LRP1B: variants seen among roughly 807,000 people sequenced by gnomAD.
LRP1B encodes the protein LDL receptor related protein 1B, also known as low-density lipoprotein receptor-related protein 1B.
LRP1B carries 217 observed loss-of-function variants against 556.6 expected under a neutral mutation model. That is an observed-to-expected ratio of 0.39 (90% CI 0.35 to 0.44). LRP1B has a LOEUF of 0.44. Among genes scored for constraint, LRP1B ranks in the 20% least tolerant of loss-of-function variants. The pLI is 1.00. For synonymous variants in LRP1B, 2,047 were observed against 1,865.8 expected, an observed-to-expected ratio of 1.10 and a Z score of -2.50; for missense variants, 5,053 against 5,620.8, an observed-to-expected ratio of 0.90 and a Z score of 3.23.
intron 2 of LRP1B, among the ~76,000 whole-genome samples, chr2:141,645,227 C>A (rs1487761454): frequency 1.3e-5 from 2 of 152,038 alleles, no homozygotes; most frequent in Non-Finnish European, 2.9e-5. Context: ...AAATTCTCTC[C>A]TTTCAGTGGG....
chr2:140,907,389 T>G (rs2105230594), intron 22 of LRP1B, among the ~76,000 whole-genome samples: 1 of 152,218 alleles, frequency 6.6e-6, no homozygotes, highest in Non-Finnish European at 1.5e-5. Context: ...GGACTAAAAA[T>G]TTGAAGGAAA....
chr2:140,352,842 G>A (rs560439866), intron 76 of LRP1B, 111 bp downstream of exon 76: 1 of 1,051,032 alleles, frequency 9.5e-7, no homozygotes, highest in African/African-American at 1.6e-5. Context: ...ATCATTAAAA[G>A]TATTTTATCA....
chr2:141,556,064 T>G (rs1488188779), intron 2 of LRP1B, among the ~76,000 whole-genome samples: 1 of 151,908 alleles, frequency 6.6e-6, no homozygotes. Context: ...ATGTTTATCA[T>G]AATAATCATG....
chr2:141,926,431 T>C (rs1216599020), intron 1 of LRP1B, among the ~76,000 whole-genome samples: 1 of 152,162 alleles, frequency 6.6e-6, no homozygotes, highest in African/African-American at 2.4e-5. Flanking sequence ...AGAAACTAAG[T>C]AGCCAACTGA....
chr2:141,621,687 C>T (rs534812812), intron 2 of LRP1B, among the ~76,000 whole-genome samples: 1 of 152,114 alleles, frequency 6.6e-6, no homozygotes. Context: ...GGAGGGGAGG[C>T]AGAAAATGAA....
At chr2:141,495,496 C>T (rs79852071) in intron 2 of LRP1B, among the ~76,000 whole-genome samples, 6 of 152,212 alleles carry the variant, frequency 3.9e-5, no homozygotes, top group East Asian at 1.9e-4. Context: ...AAATTCATAA[C>T]ATGACTCTTG....
At chr2:140,510,171 C>A in intron 51 of LRP1B, 115 bp from the exon 52 acceptor site, 1 of 1,139,062 alleles carries the variant, frequency 8.8e-7, no homozygotes, top group Non-Finnish European at 1.2e-6. Flanking sequence ...TATAAGGAGG[C>A]GATTGTAGTT....
At chr2:140,543,916 T>C (rs1345865175) in intron 43 of LRP1B, among the ~76,000 whole-genome samples, 1 of 152,036 alleles carries the variant, frequency 6.6e-6, no homozygotes, top group Non-Finnish European at 1.5e-5. Context: ...AGGAAATAAC[T>C]ATTTACAATA....
chr2:140,856,174 C>T (rs1412043484), intron 27 of LRP1B, among the ~76,000 whole-genome samples: 5 of 152,184 alleles, frequency 3.3e-5, no homozygotes, highest in Admixed American at 1.3e-4. Context: ...AAAATGTATT[C>T]GTCACTATTC....
At chr2:141,468,538 A>C (rs1388030797) in intron 3 of LRP1B, among the ~76,000 whole-genome samples, 1 of 152,196 alleles carries the variant, frequency 6.6e-6, no homozygotes, top group Non-Finnish European at 1.5e-5. Flanking sequence ...AATTCTACAT[A>C]TAATAAATAT....
At chr2:141,881,813 G>A (rs572297455) in intron 1 of LRP1B, among the ~76,000 whole-genome samples, 1 of 152,198 alleles carries the variant, frequency 6.6e-6, no homozygotes, top group African/African-American at 2.4e-5. Context: ...AAATCACCTA[G>A]AAATCAGTTT....
chr2:141,011,035 A>G (rs1327967986), intron 14 of LRP1B, among the ~76,000 whole-genome samples: 1 of 148,368 alleles, frequency 6.7e-6, no homozygotes, highest in African/African-American at 2.5e-5. Flanking sequence ...TAGTTTTTAT[A>G]TATATATAAA....
intron 89 of LRP1B, among the ~76,000 whole-genome samples, chr2:140,237,617 TGGGA>T (rs1335231719): frequency 6.6e-6 from 1 of 150,854 alleles, no homozygotes; most frequent in Non-Finnish European, 1.5e-5. Context: ...TAAGGAATAC[TGGGA>T]GGAAGTGGGT....
intron 43 of LRP1B, among the ~76,000 whole-genome samples, chr2:140,597,079 C>T (rs1682471394): frequency 6.6e-6 from 1 of 151,982 alleles, no homozygotes; most frequent in Non-Finnish European, 1.5e-5. Context: ...AAAATATTAA[C>T]TTTTAAAAAT....
intron 2 of LRP1B, among the ~76,000 whole-genome samples, chr2:141,556,929 T>C (rs1266008810): frequency 6.6e-6 from 1 of 151,864 alleles, no homozygotes; most frequent in Non-Finnish European, 1.5e-5. Flanking sequence ...AACTCCTACA[T>C]ATTTCTTCTT....
chr2:140,500,042 A>T (rs1421075969), intron 55 of LRP1B, among the ~76,000 whole-genome samples: 2 of 151,988 alleles, frequency 1.3e-5, no homozygotes, highest in Non-Finnish European at 2.9e-5. Context: ...TACTGCCAAC[A>T]TTAATTATCT....
chr2:140,576,059 C>T (rs1465790741), intron 43 of LRP1B, among the ~76,000 whole-genome samples: 1 of 152,170 alleles, frequency 6.6e-6, no homozygotes, highest in Non-Finnish European at 1.5e-5. Context: ...AGTCCACATG[C>T]TAAACCAACA....
intron 3 of LRP1B, among the ~76,000 whole-genome samples, chr2:141,467,839 C>G (rs77032960): frequency 0.014 from 812 of 57,152 alleles, 43 homozygotes; most frequent in African/African-American, 0.033. Flanking sequence ...GTTTGCGGAC[C>G]GGGGGGGGGG....
chr2:141,317,917 A>G (rs1687090225), intron 3 of LRP1B, among the ~76,000 whole-genome samples: 1 of 152,134 alleles, frequency 6.6e-6, no homozygotes, highest in Admixed American at 6.6e-5. Flanking sequence ...TCAAAGGCCC[A>G]GAGTGCCATT....
Sources: allele counts gnomAD v4.1 joint callset (sites outside exome capture counted in the v4.1 genomes callset), GRCh38; gene constraint gnomAD v4.1.1; transcripts MANE v1.5; gene names NCBI Gene and HGNC (gene_info 2026-07-23, HGNC 2026-07-21).